CNTNAP3: variants seen among roughly 807,000 people sequenced by gnomAD.
The protein encoded by CNTNAP3 is contactin-associated protein-like 3.
CNTNAP3 carries 36 observed loss-of-function variants against 92.1 expected under a neutral mutation model. The observed-to-expected ratio is 0.39, with a 90% CI of 0.30 to 0.52. The LOEUF is 0.52. CNTNAP3 is among the 20% of genes least tolerant of loss of function. CNTNAP3 has a pLI of 0.76. For missense variants in CNTNAP3, 534 were observed against 1,069.6 expected (o/e 0.50, Z 6.98); for synonymous variants, 232 against 422.3 (o/e 0.55, Z 5.53).
chr9:39,102,407 A>G, intron 17 of CNTNAP3, 90 bp downstream of exon 17: 1 of 1,564,824 alleles, frequency 6.4e-7, no homozygotes, highest in Non-Finnish European at 8.7e-7. Flanking sequence ...GTTGTTGGCA[A>G]CTGTTGCTCT....
At chr9:39,115,781 C>T (rs1820842665) in intron 14 of CNTNAP3, among the ~76,000 whole-genome samples, 1 of 152,030 alleles carries the variant, frequency 6.6e-6, no homozygotes. Context: ...ATCAGAGGAC[C>T]TGCACCCACC....
Position 39,068,764 on chromosome 9 carries a change from C to T in CNTNAP3, c.*5126G>A, listed in dbSNP as rs957419769. ...TAGGCTTCCTTAAGCTATCTATCTC[C>T]ATTGTCACTGCTGTCTCAAATTCTC... On this transcript the variant is annotated 3_prime_UTR_variant, in exon 24 of 24. Transcript: ENST00000297668. Among the ~76,000 whole-genome samples the T allele has an allele frequency of 5.3e-4, 80 of 152,214 alleles. No individual in the cohort carries two copies. The highest frequency in any genetic ancestry group is 1.9e-3 in the African/African-American group (79 of 41,408).
chr9:39,157,578 C>A (rs1452676199), intron 9 of CNTNAP3, among the ~76,000 whole-genome samples: 2 of 86,734 alleles, frequency 2.3e-5, no homozygotes, highest in Non-Finnish European at 5.0e-5. Flanking sequence ...AATCTCTTGA[C>A]CTTGTGATCC....
In CNTNAP3 at chr9:39,271,901, C is replaced by T. The variant is rs1822923397; in HGVS notation, c.86-4895G>A. Among the ~76,000 whole-genome samples, 2 of 20,344 alleles carry T rather than the reference C, an allele frequency of 9.8e-5. 1 individual carries two copies. The highest frequency in any genetic ancestry group is 3.3e-3 in the South Asian group (2 of 614). 13.3% of individuals were successfully genotyped at this position (20,344 alleles called of 152,430 possible). A position where few individuals can be genotyped will look rare whatever the true frequency, so the allele number is the denominator to read the frequency against. On this transcript the variant is annotated intron_variant, in intron 1 of 23. Coordinates refer to ENST00000297668, the MANE Select transcript of CNTNAP3 (RefSeq NM_033655.5). ...ACAAAAGACACAACACAAATGAAGA[C>T]CTAGAGGAAAGTTTACATAGTTTTT...
chr9:39,175,191 A>AGACTGCAT (rs1822314694), intron 7 of CNTNAP3, among the ~76,000 whole-genome samples: 2 of 128,390 alleles, frequency 1.6e-5, no homozygotes, highest in East Asian at 4.4e-4. Flanking sequence ...CAACAGAGCA[A>AGACTGCAT]GACTGCATCT....
At position 39,150,906 on chromosome 9, in the gene CNTNAP3, C is replaced by T. The variant is rs574520287; in HGVS notation, c.1478-929G>A. Among the ~76,000 whole-genome samples, 377 of 139,124 alleles carry T rather than the reference C, an allele frequency of 2.7e-3. 29 individuals are homozygous for T. The highest frequency in any genetic ancestry group is 9.8e-3 in the African/African-American group (354 of 36,140). 91.3% of individuals were successfully genotyped at this position (139,124 alleles called of 152,430 possible). A position where few individuals can be genotyped will look rare whatever the true frequency, so the allele number is the denominator to read the frequency against. ...AGCAGTGGTGAGTGCCTGACTTTGACGTAAGCAGTATTACTCCACACCAGT... is the reference window on the plus strand; with the variant it reads ...AGCAGTGGTGAGTGCCTGACTTTGATGTAAGCAGTATTACTCCACACCAGT... On this transcript the variant is annotated intron_variant, in intron 9 of 23. Transcript: ENST00000297668.
chr9:39,076,799 T>C (rs1223743130), intron 23 of CNTNAP3, among the ~76,000 whole-genome samples: 3,506 of 135,278 alleles, frequency 0.026, no homozygotes, highest in Middle Eastern at 0.051. Context: ...AAACCCCGTC[T>C]CTACTAAAAA....
At chr9:39,217,395 T>TATACATAC (rs1554653677) in intron 3 of CNTNAP3, among the ~76,000 whole-genome samples, 1 of 23,936 alleles carries the variant, frequency 4.2e-5, no homozygotes, top group African/African-American at 6.7e-5. Context: ...TATATATATA[T>TATACATAC]ATATATTCAT....
chr9:39,122,734 A>G (rs1442895587), intron 13 of CNTNAP3, among the ~76,000 whole-genome samples: 1 of 152,218 alleles, frequency 6.6e-6, no homozygotes, highest in African/African-American at 2.4e-5. Flanking sequence ...CAAACAATAC[A>G]GTCTTATGAG....
intron 18 of CNTNAP3, among the ~76,000 whole-genome samples, chr9:39,095,784 T>C (rs2118458936): frequency 6.9e-6 from 1 of 144,476 alleles, no homozygotes; most frequent in South Asian, 2.2e-4. Context: ...ATAATCTGCT[T>C]CAGGTTTACA....
At chr9:39,170,539 T>C (rs758663251) in intron 8 of CNTNAP3, among the ~76,000 whole-genome samples, 1 of 49,614 alleles carries the variant, frequency 2.0e-5, no homozygotes, top group Admixed American at 2.3e-4. Context: ...AGCAGCTCTG[T>C]AGTTAACAAA....
At chr9:39,094,914 C>T (rs1429025015) in intron 18 of CNTNAP3, among the ~76,000 whole-genome samples, 1 of 151,490 alleles carries the variant, frequency 6.6e-6, no homozygotes, top group Non-Finnish European at 1.5e-5. Flanking sequence ...TAGATTGAAT[C>T]TGCTGGGGTT....
rs1173570153 is a variant in CNTNAP3 at position 39,070,988 on chromosome 9, T to C, written c.*2902A>G. On this transcript the variant is annotated 3_prime_UTR_variant, in exon 24 of 24. Transcript: ENST00000297668. ...GGTGGGCTTCTCTATGGATTGAAGT[T>C]AAGAGAGAGAAGTGCCAGGAGTTCA... 1.8e-4 allele frequency among the ~76,000 whole-genome samples: 28 copies of C among 152,168 alleles called. No individual in the cohort carries two copies. The highest frequency in any genetic ancestry group is 6.3e-4 in the African/African-American group (26 of 41,406).
intron 15 of CNTNAP3, among the ~76,000 whole-genome samples, chr9:39,105,851 A>C (rs1313642631): frequency 7.1e-6 from 1 of 140,482 alleles, no homozygotes; most frequent in Non-Finnish European, 1.6e-5. Flanking sequence ...GTGTATTTGT[A>C]TCTCTCTCTC....
intron 13 of CNTNAP3, among the ~76,000 whole-genome samples, chr9:39,125,462 C>A (rs1486102408): frequency 1.3e-5 from 2 of 152,012 alleles, no homozygotes; most frequent in South Asian, 4.2e-4. Context: ...ACATATGTAA[C>A]AAACCTGCAT....
chr9:39,140,234 G>T (rs912566099), intron 12 of CNTNAP3, among the ~76,000 whole-genome samples: 1 of 147,442 alleles, frequency 6.8e-6, no homozygotes, highest in African/African-American at 2.5e-5. Flanking sequence ...GTAAATTACC[G>T]AATCAGAGGT....
At chr9:39,082,496 C>A (rs1267479464) in intron 21 of CNTNAP3, among the ~76,000 whole-genome samples, 3 of 152,054 alleles carry the variant, frequency 2.0e-5, no homozygotes, top group African/African-American at 7.2e-5. Context: ...ATCTTCTTGA[C>A]TTTTTATAGG....
chr9:39,090,369 AG>A (rs1417268975), intron 18 of CNTNAP3, among the ~76,000 whole-genome samples: 2 of 152,192 alleles, frequency 1.3e-5, no homozygotes, highest in African/African-American at 4.8e-5. Flanking sequence ...AGAGTTTTAT[AG>A]TTTTAGTTCT....
rs201224737 is a variant in CNTNAP3 at position 39,103,765 on chromosome 9, A to G, written c.2515T>C (p.Phe839Leu). The G allele has an allele frequency of 2.4e-5, 38 of 1,610,998 alleles. No individual in the cohort carries two copies. Among genetic ancestry groups the G allele is most frequent in the Admixed American group, 5.0e-5 (3 of 59,984 alleles). Reference sequence around the variant, plus strand: ...TTACCACGCAGCTCAATCCTGATGAAATCTGTGATCCCCAGGTTCTCCATA... The same window carrying G: ...TTACCACGCAGCTCAATCCTGATGAGATCTGTGATCCCCAGGTTCTCCATA... The part of the protein sequence containing the change: ...VFMENLGITD[F>L]IRIELRAPTE... The change falls in exon 16 of 24, where the codon TTC becomes CTC. Residue 839 changes from phenylalanine to leucine, a missense_variant. Transcript: ENST00000297668.
Sources: gnomAD v4.1 joint callset for allele counts (sites outside exome capture counted in the v4.1 genomes callset) on GRCh38, gnomAD v4.1.1 for gene constraint, MANE v1.5 for transcripts, NCBI Gene and HGNC (gene_info 2026-07-23, HGNC 2026-07-21) for gene names.